Variants in ALK observed in about 807,000 individuals in gnomAD.
The protein encoded by ALK is ALK receptor tyrosine kinase.
A neutral mutation model predicts 163.1 loss-of-function variants in ALK; 74 were observed. That is an observed-to-expected ratio of 0.45 (90% CI 0.38 to 0.55). ALK has a LOEUF of 0.55. ALK is among the 20% of genes least tolerant of loss of function. The pLI is 0.00. For synonymous variants in ALK, 960 were observed against 843.2 expected, an observed-to-expected ratio of 1.14 and a Z score of -2.40; for missense variants, 2,063 against 2,105.3, an observed-to-expected ratio of 0.98 and a Z score of 0.39.
chr2:29,448,017 G>A (rs561993485), intron 4 of ALK, among the ~76,000 whole-genome samples: 1 of 152,268 alleles, frequency 6.6e-6, no homozygotes, highest in South Asian at 2.1e-4. Context: ...AACATTCTTG[G>A]TTTTTTGCAT....
intron 1 of ALK, among the ~76,000 whole-genome samples, chr2:29,867,642 A>G (rs1192911545): frequency 6.6e-6 from 1 of 152,244 alleles, no homozygotes; most frequent in African/African-American, 2.4e-5. Flanking sequence ...CAGAGCCACA[A>G]GGTAATGCAG....
chr2:29,776,981 C>T (rs1681194319), intron 1 of ALK, among the ~76,000 whole-genome samples: 1 of 152,028 alleles, frequency 6.6e-6, no homozygotes, highest in African/African-American at 2.4e-5. Flanking sequence ...GGGTTCTGAC[C>T]CCCAATCTAC....
intron 4 of ALK, among the ~76,000 whole-genome samples, chr2:29,506,581 C>G (rs376736835): frequency 1.3e-5 from 2 of 152,002 alleles, no homozygotes; most frequent in Non-Finnish European, 2.9e-5. Flanking sequence ...CCCATCTTTA[C>G]TAAAAATACA....
At position 29,514,854 on chromosome 2, in the gene ALK, C is replaced by T. The variant is rs555644598; in HGVS notation, c.1154+17061G>A. Reference sequence around the variant, plus strand: ...TGTATTCAGGACTACCCTCCCTTTCCTTGTGGTGCTGCAAAGGTCTGGGGT... The same window carrying T: ...TGTATTCAGGACTACCCTCCCTTTCTTTGTGGTGCTGCAAAGGTCTGGGGT... On this transcript the variant is annotated intron_variant, in intron 4 of 28. Coordinates refer to ENST00000389048, the MANE Select transcript of ALK (RefSeq NM_004304.5). Among the ~76,000 whole-genome samples the T allele has an allele frequency of 9.2e-5, 14 of 152,322 alleles. No individual in the cohort carries two copies. The South Asian group carries it at 2.5e-3, about 27-fold the overall frequency.
chr2:29,632,803 T>C (rs1284617846), intron 3 of ALK, among the ~76,000 whole-genome samples: 2 of 152,176 alleles, frequency 1.3e-5, no homozygotes, highest in African/African-American at 2.4e-5. Flanking sequence ...TCACATCTTA[T>C]GTGGATGGTG....
chr2:29,647,775 C>CTTTTTT (rs34620705), intron 3 of ALK, among the ~76,000 whole-genome samples: 6 of 117,210 alleles, frequency 5.1e-5, no homozygotes, highest in South Asian at 2.8e-4. Flanking sequence ...ATGATTTTTT[C>CTTTTTT]TTTTTTTTTT....
At chr2:29,229,149 C>A in intron 15 of ALK, 83 bp from the exon 16 acceptor site, 1 of 1,387,160 alleles carries the variant, frequency 7.2e-7, no homozygotes, top group Non-Finnish European at 1.0e-6. Flanking sequence ...GGATGCAGGA[C>A]GCCTTGGAGG....
intron 3 of ALK, among the ~76,000 whole-genome samples, chr2:29,588,463 T>C (rs1430152181): frequency 6.6e-6 from 1 of 152,128 alleles, no homozygotes; most frequent in Admixed American, 6.5e-5. Context: ...ACTCCTGACA[T>C]CAAGCGATCC....
chr2:29,710,502 G>GTGTA (rs1407082522), intron 2 of ALK, among the ~76,000 whole-genome samples: 5 of 114,446 alleles, frequency 4.4e-5, no homozygotes, highest in Middle Eastern at 3.7e-3. Context: ...CTGTGTGCGT[G>GTGTA]TGTGTGTGTG....
intron 4 of ALK, among the ~76,000 whole-genome samples, chr2:29,487,135 C>G (rs949476310): frequency 1.3e-5 from 2 of 152,200 alleles, no homozygotes; most frequent in African/African-American, 4.8e-5. Context: ...AAGCGATACT[C>G]TAACTTTCCG....
chr2:29,652,028 G>A (rs1677052699), intron 3 of ALK, among the ~76,000 whole-genome samples: 2 of 152,092 alleles, frequency 1.3e-5, no homozygotes, highest in Admixed American at 1.3e-4. Flanking sequence ...TTAAAAAAAT[G>A]ATACTTTACA....
intron 4 of ALK, among the ~76,000 whole-genome samples, chr2:29,416,466 G>C (rs1669879565): frequency 6.6e-6 from 1 of 152,160 alleles, no homozygotes; most frequent in African/African-American, 2.4e-5. Flanking sequence ...TAAGGGCCAG[G>C]CTTCAGGGAT....
rs147864545 is a variant in ALK at position 29,421,026 on chromosome 2, T to A, written c.1155-37167A>T. Among the ~76,000 whole-genome samples, 94 of 151,592 alleles carry A rather than the reference T, an allele frequency of 6.2e-4. 6 individuals are homozygous for A. Among genetic ancestry groups the A allele is most frequent in the African/African-American group, 2.2e-3 (91 of 40,924 alleles). Reference sequence around the variant, plus strand: ...ACTGGTGGCTCTTGACCTCTCTGTCTCCATGCCATCATTCCACGTTCATCC... The same window carrying A: ...ACTGGTGGCTCTTGACCTCTCTGTCACCATGCCATCATTCCACGTTCATCC... On this transcript the variant is annotated intron_variant, in intron 4 of 28. Coordinates refer to ENST00000389048, the MANE Select transcript of ALK (RefSeq NM_004304.5).
At chr2:29,759,107 G>C (rs1680627024) in intron 1 of ALK, among the ~76,000 whole-genome samples, 1 of 152,032 alleles carries the variant, frequency 6.6e-6, no homozygotes, top group Admixed American at 6.5e-5. Flanking sequence ...TCTCCTCCCT[G>C]CTTGTCAGTC....
At chr2:29,522,706 A>G (rs1489357046) in intron 4 of ALK, among the ~76,000 whole-genome samples, 2 of 152,158 alleles carry the variant, frequency 1.3e-5, no homozygotes, top group African/African-American at 4.8e-5. Flanking sequence ...GGCAGTCCAC[A>G]AAGAACCCCC....
intron 12 of ALK, among the ~76,000 whole-genome samples, chr2:29,248,402 G>A (rs749286839): frequency 2.6e-5 from 4 of 152,194 alleles, no homozygotes; most frequent in Non-Finnish European, 5.9e-5. Context: ...GGCGGAAGTT[G>A]CAGTGAGCTG....
At position 29,383,601 on chromosome 2, in the gene ALK, G is replaced by A. The variant is rs977987839; in HGVS notation, c.1282+131C>T. ...CAAAGTGCTGGGATTACAGGTGTGA[G>A]CCACAGCACCCAGCCCACTCTAGAC... On this transcript the variant is annotated intron_variant, in intron 5 of 28. Transcript: ENST00000389048. 18 of 1,242,068 alleles carry A rather than the reference G, an allele frequency of 1.4e-5. No individual in the cohort carries two copies. The Admixed American group carries it at 3.3e-4, about 23-fold the overall frequency. 76.9% of individuals were successfully genotyped at this position (1,242,068 alleles called of 1,614,324 possible). A position where few individuals can be genotyped will look rare whatever the true frequency, so the allele number is the denominator to read the frequency against.
At chr2:29,892,251 G>C (rs894259212) in intron 1 of ALK, 3 of 152,184 alleles carry the variant, frequency 2.0e-5, no homozygotes, top group Non-Finnish European at 4.4e-5. Context: ...AGCTCACATA[G>C]GAGATGCCCT....
Position 29,845,208 on chromosome 2 carries a change from G to A in ALK, c.667+74785C>T, listed in dbSNP as rs140758001. Among the ~76,000 whole-genome samples the A allele has an allele frequency of 3.9e-3, 589 of 152,232 alleles. 1 individual carries two copies. The highest frequency in any genetic ancestry group is 8.7e-3 in the South Asian group (42 of 4,806). ...GGGGATCATCACCATGAATTATCAC[G>A]GGCACAAGTGCTGAATCACAGATGC... is the stretch of plus-strand genomic sequence containing the variant. On this transcript the variant is annotated intron_variant, in intron 1 of 28. Coordinates refer to ENST00000389048, the MANE Select transcript of ALK (RefSeq NM_004304.5).
Sources: allele counts gnomAD v4.1 joint callset (sites outside exome capture counted in the v4.1 genomes callset), GRCh38; gene constraint gnomAD v4.1.1; transcripts MANE v1.5; gene names NCBI Gene and HGNC (gene_info 2026-07-23, HGNC 2026-07-21).